Variants in PMM2 observed in about 807,000 individuals in gnomAD.
PMM2 encodes phosphomannomutase 2.
In PMM2, 35 loss-of-function variants were observed where a neutral mutation model predicts 33.2. The observed-to-expected ratio is 1.06, with a 90% confidence interval of 0.81 to 1.40. PMM2 has a LOEUF of 1.40. PMM2 is among the 40% of genes most tolerant of loss of function. PMM2 has a pLI of 0.00. For missense variants in PMM2, 386 were observed against 306.0 expected (o/e 1.26, Z -1.95); for synonymous variants, 153 against 114.7 (o/e 1.33, Z -2.13).
chr16:8,816,552 A>C (rs62031148), intron 7 of PMM2, among the ~76,000 whole-genome samples: 1 of 150,024 alleles, frequency 6.7e-6, no homozygotes, highest in African/African-American at 2.4e-5. Flanking sequence ...GACCAGCCTG[A>C]CCAACATGGA....
intron 7 of PMM2, among the ~76,000 whole-genome samples, chr16:8,827,130 C>T (rs1448769627): frequency 6.6e-6 from 1 of 152,088 alleles, no homozygotes; most frequent in African/African-American, 2.4e-5. Flanking sequence ...TGTCTGCTTA[C>T]ACTTCTTGGG....
chr16:8,798,756 A>T (rs894942423), intron 1 of PMM2, among the ~76,000 whole-genome samples: 1 of 152,158 alleles, frequency 6.6e-6, no homozygotes, highest in Non-Finnish European at 1.5e-5. Context: ...CCCTTTTCAG[A>T]AATTGGCCAC....
At chr16:8,832,284 C>T (rs896726194) in intron 7 of PMM2, 25 of 985,320 alleles carry the variant, frequency 2.5e-5, no homozygotes, top group East Asian at 1.1e-4. Context: ...GCGAGCCGTG[C>T]GGCTCTCTGA....
intron 7 of PMM2, among the ~76,000 whole-genome samples, chr16:8,845,119 G>A (rs539183723): frequency 4.6e-5 from 7 of 152,350 alleles, no homozygotes; most frequent in African/African-American, 4.8e-5. Context: ...GGCTGAGTCC[G>A]AAAAGAGAGT....
intron 4 of PMM2, chr16:8,808,889 T>A (rs1257662880): frequency 2.0e-5 from 3 of 152,230 alleles, no homozygotes; most frequent in Admixed American, 2.0e-4. Flanking sequence ...GAGAGAGATT[T>A]TTAGGCTCGC....
rs557673828 is a variant in PMM2 at position 8,798,744 on chromosome 16, G to T, written c.66+796G>T. The stretch of plus-strand genomic sequence containing the variant: ...TCAGCCTTGAGGTGAGGCTCTCCTG[G>T]CCCCTTTTCAGAAATTGGCCACTGA... On this transcript the variant is annotated intron_variant, in intron 1 of 7. Transcript: ENST00000268261. Among the ~76,000 whole-genome samples, 9 of 152,174 alleles carry T rather than the reference G, an allele frequency of 5.9e-5. No homozygotes were observed. The South Asian group carries it at 1.9e-3, about 32-fold the overall frequency.
intron 1 of PMM2, among the ~76,000 whole-genome samples, chr16:8,798,612 C>T (rs954825714): frequency 2.2e-4 from 34 of 152,210 alleles, no homozygotes; most frequent in African/African-American, 7.0e-4. Context: ...GATGGAGGAG[C>T]CCTAGGTTAT....
At position 8,848,011 on chromosome 16, in the gene PMM2, ACT is replaced by A. The variant is rs1192431249; in HGVS notation, c.*189_*190del. The stretch of plus-strand genomic sequence containing the variant: ...AGAAACTTCCAGAAGGAAGGAGAAA[ACT>A]CTTGTCAAGAATGGCCCAGAGGAAT... On this transcript the variant is annotated 3_prime_UTR_variant, in exon 8 of 8. Transcript: ENST00000268261. 16 of 603,084 alleles carry A rather than the reference ACT, an allele frequency of 2.7e-5. No individual in the cohort carries two copies. The highest frequency in any genetic ancestry group is 2.4e-4 in the African/African-American group (13 of 54,284). The allele number at this position is 603,084 out of a possible 1,614,324, so 37.4% of individuals were successfully genotyped here.
rs2060893131 is a variant in PMM2 at position 8,841,903 on chromosome 16, G to A, written c.640-5821G>A. Among the ~76,000 whole-genome samples, 6 of 150,426 alleles carry A rather than the reference G, an allele frequency of 4.0e-5. No individual in the cohort carries two copies. In the South Asian group the frequency reaches 1.3e-3, roughly 32 times the overall value. ...GGGGAGCAGAAAGTATATGCATCAG[G>A]TATGAGGAAGAAAATGGATTTTGGA... On this transcript the variant is annotated intron_variant, in intron 7 of 7. Coordinates refer to ENST00000268261, the MANE Select transcript of PMM2 (RefSeq NM_000303.3).
chr16:8,847,997 G>C lies in PMM2; in HGVS notation c.*172G>C. ...CCACCTCCAGTGCCAGAAACTTCCA[G>C]AAGGAAGGAGAAAACTCTTGTCAAG... On this transcript the variant is annotated 3_prime_UTR_variant, in exon 8 of 8. Coordinates refer to ENST00000268261, the MANE Select transcript of PMM2 (RefSeq NM_000303.3). 1.6e-6 allele frequency: 1 copy of C among 618,002 alleles called. No individual in the cohort carries two copies. Among genetic ancestry groups the C allele is most frequent in the Non-Finnish European group, 2.9e-6 (1 of 342,764 alleles). The allele number at this position is 618,002 out of a possible 1,614,324, so 38.3% of individuals were successfully genotyped here. A position where few individuals can be genotyped will look rare whatever the true frequency, so the allele number is the denominator to read the frequency against.
At chr16:8,826,176 CAG>C (rs988753257) in intron 7 of PMM2, among the ~76,000 whole-genome samples, 33 of 152,186 alleles carry the variant, frequency 2.2e-4, no homozygotes, top group African/African-American at 7.7e-4. Context: ...TGCTCACACA[CAG>C]AGTTGTTCAC....
chr16:8,823,398 A>G (rs939398397), intron 7 of PMM2, among the ~76,000 whole-genome samples: 4 of 152,222 alleles, frequency 2.6e-5, no homozygotes, highest in Non-Finnish European at 5.9e-5. Flanking sequence ...AAACTCAAGA[A>G]CAAAGGACAA....
chr16:8,835,980 G>C (rs62033469), intron 7 of PMM2, among the ~76,000 whole-genome samples: 1 of 148,338 alleles, frequency 6.7e-6, no homozygotes, highest in Non-Finnish European at 1.5e-5. Flanking sequence ...ATAATTTAAA[G>C]TGTCTCGGCC....
At chr16:8,836,028 G>T (rs2141041787) in intron 7 of PMM2, among the ~76,000 whole-genome samples, 1 of 150,638 alleles carries the variant, frequency 6.6e-6, no homozygotes, top group East Asian at 2.0e-4. Context: ...AACTGAAAAG[G>T]AGTGCTTAAA....
intron 1 of PMM2, 88 bp downstream of exon 1, chr16:8,798,036 A>T: frequency 7.5e-7 from 1 of 1,335,490 alleles, no homozygotes; most frequent in Non-Finnish European, 1.0e-6. Flanking sequence ...GGTAGGCGCC[A>T]AGGGGTGGCT....
intron 7 of PMM2, among the ~76,000 whole-genome samples, chr16:8,846,526 G>A (rs149974880): frequency 1.5e-4 from 23 of 152,224 alleles, no homozygotes; most frequent in Non-Finnish European, 3.2e-4. Context: ...TCATTAACGT[G>A]AGCCCAGTGG....
At position 8,826,404 on chromosome 16, in the gene PMM2, A is replaced by G. The variant is rs61399765; in HGVS notation, c.639+13298A>G. On this transcript the variant is annotated intron_variant, in intron 7 of 7. Transcript: ENST00000268261. ...GATAAAGTCTGACTCTCTCTGGCCT[A>G]GCTAGGAGTCATGGCTACCTCCATA... Among the ~76,000 whole-genome samples, 415 of 152,304 alleles carry G rather than the reference A, an allele frequency of 2.7e-3. 2 individuals are homozygous for G. Among genetic ancestry groups the G allele is most frequent in the African/African-American group, 9.6e-3 (400 of 41,564 alleles).
chr16:8,811,856 A>C (rs1596489242), intron 6 of PMM2, 143 bp downstream of exon 6: 7 of 695,768 alleles, frequency 1.0e-5, no homozygotes, highest in East Asian at 2.7e-5. Flanking sequence ...ATAGACAAAA[A>C]CCAACCACTC....
chr16:8,820,634 G>A (rs75841219), intron 7 of PMM2, among the ~76,000 whole-genome samples: 4 of 152,134 alleles, frequency 2.6e-5, no homozygotes, highest in African/African-American at 4.8e-5. Flanking sequence ...AATTACAGGC[G>A]TGAGCCACCA....
Sources: gnomAD v4.1 joint callset for allele counts (sites outside exome capture counted in the v4.1 genomes callset) on GRCh38, gnomAD v4.1.1 for gene constraint, MANE v1.5 for transcripts, NCBI Gene and HGNC (gene_info 2026-07-23, HGNC 2026-07-21) for gene names.